BIRC6: variants seen among roughly 807,000 people sequenced by gnomAD.
The protein encoded by BIRC6 is baculoviral IAP repeat containing 6, also known as dual E2 ubiquitin-conjugating enzyme/E3 ubiquitin-protein ligase BIRC6.
In BIRC6, 98 loss-of-function variants were observed where a neutral mutation model predicts 503.3. The ratio of observed to expected loss-of-function variants is 0.19; its 90% CI spans 0.17 to 0.23. BIRC6 has a LOEUF of 0.23. Among genes scored for constraint, BIRC6 ranks in the 10% least tolerant of loss-of-function variants. The pLI is 1.00. For synonymous variants in BIRC6, 2,240 were observed against 2,078.7 expected (o/e 1.08, Z -2.11); for missense variants, 5,360 against 5,806.0 (o/e 0.92, Z 2.50).
chr2:32,453,665 C>G (rs1574321542), intron 22 of BIRC6, 143 bp from the exon 23 acceptor site: 1 of 738,920 alleles, frequency 1.4e-6, no homozygotes, highest in Non-Finnish European at 2.1e-6. Context: ...TTCTTAATAC[C>G]ATGCCCATGA....
chr2:32,491,300 C>T (rs2051676537), intron 43 of BIRC6, 125 bp from the exon 44 acceptor site: 7 of 977,490 alleles, frequency 7.2e-6, no homozygotes, highest in Non-Finnish European at 1.0e-5. Context: ...ACTGAAACCC[C>T]TTTAATAAAC....
At chr2:32,552,211 A>G (rs1028072139) in intron 65 of BIRC6, among the ~76,000 whole-genome samples, 1 of 152,156 alleles carries the variant, frequency 6.6e-6, no homozygotes, top group African/African-American at 2.4e-5. Context: ...TTTTGGCTAC[A>G]GGTATACGTT....
intron 8 of BIRC6, among the ~76,000 whole-genome samples, chr2:32,404,898 G>T (rs999201414): frequency 6.6e-6 from 1 of 152,012 alleles, no homozygotes; most frequent in Non-Finnish European, 1.5e-5. Context: ...CTGGGCTCAA[G>T]CAGTCCTCCC....
intron 22 of BIRC6, 55 bp downstream of exon 22, chr2:32,448,983 T>G: frequency 6.5e-7 from 1 of 1,537,958 alleles, no homozygotes; most frequent in Non-Finnish European, 8.9e-7. Context: ...GGATTTAAGT[T>G]GCCATTTGAC....
Position 32,471,046 on chromosome 2 carries a change from G to C in BIRC6, c.6514G>C (p.Val2172Leu). 1 of 1,580,356 alleles carries C rather than the reference G, an allele frequency of 6.3e-7. No individual in the cohort carries two copies. Among genetic ancestry groups the C allele is most frequent in the Non-Finnish European group, 8.6e-7 (1 of 1,160,942 alleles). ...VLDIPMISWV[V>L]MLVSRLLDYV... ...AGATATTCCCATGATCAGTTGGGTT[G>C]TTATGCTGGTGTCCAGGTTGCTGGA... Residue 2172 changes from valine to leucine, a missense_variant, in exon 32 of 74, where the codon GTT becomes CTT. By Grantham distance (32) the Val-to-Leu change is conservative (BLOSUM62 1). Coordinates refer to ENST00000421745, the MANE Select transcript of BIRC6 (RefSeq NM_016252.4).
chr2:32,519,014 T>C lies in BIRC6; in HGVS notation c.11623+68T>C, dbSNP rs546312877. ...TGATGTATATGGAGGTTTATTGTTT[T>C]TATAACTTTATTTTCTGCATCCACT... On this transcript the variant is annotated intron_variant, in intron 57 of 73. Coordinates refer to ENST00000421745, the MANE Select transcript of BIRC6 (RefSeq NM_016252.4). 39 of 1,448,286 alleles carry C rather than the reference T, an allele frequency of 2.7e-5. No individual in the cohort carries two copies. In the African/African-American group the frequency reaches 4.2e-4, roughly 16 times the overall value. 89.7% of individuals were successfully genotyped at this position (1,448,286 alleles called of 1,614,324 possible).
chr2:32,401,152 T>C lies in BIRC6; in HGVS notation c.1035-11T>C, dbSNP rs141525305. 6.2e-7 allele frequency: 1 copy of C among 1,608,142 alleles called. No individual in the cohort carries two copies. The highest frequency in any genetic ancestry group is 2.2e-5 in the East Asian group (1 of 44,818). ...TTTTAGTAAACTTTTCCTTTCTAAA[T>C]CTATGCAAAGGTCTGAACACGAAAG... On this transcript the variant is annotated splice_polypyrimidine_tract_variant and intron_variant, in intron 6 of 73. Transcript: ENST00000421745.
chr2:32,423,971 A>G (rs1210001424), intron 10 of BIRC6, among the ~76,000 whole-genome samples: 1 of 152,224 alleles, frequency 6.6e-6, no homozygotes, highest in African/African-American at 2.4e-5. Flanking sequence ...ATTTTACTTA[A>G]TAATGGCCCT....
At chr2:32,529,568 A>G (rs1279108206) in intron 59 of BIRC6, 83 bp from the exon 60 acceptor site, 53 of 1,240,326 alleles carry the variant, frequency 4.3e-5, no homozygotes, top group Non-Finnish European at 5.7e-5. Flanking sequence ...TCTTGCCTGT[A>G]ATTTAGTAAA....
At chr2:32,451,657 A>G (rs1348181805) in intron 22 of BIRC6, among the ~76,000 whole-genome samples, 2 of 152,202 alleles carry the variant, frequency 1.3e-5, no homozygotes, top group Admixed American at 1.3e-4. Context: ...TTTCAGGGAG[A>G]TGTGAAGTTC....
chr2:32,593,802 C>A, intron 66 of BIRC6, 113 bp from the exon 67 acceptor site: 1 of 930,106 alleles, frequency 1.1e-6, no homozygotes, highest in Non-Finnish European at 1.6e-6. Context: ...TAATATAGAT[C>A]ATGTGTGTGA....
chr2:32,570,788 C>CA (rs1559076640), intron 65 of BIRC6, among the ~76,000 whole-genome samples: 1 of 152,034 alleles, frequency 6.6e-6, no homozygotes, highest in East Asian at 1.9e-4. Context: ...TGTGAGCCAT[C>CA]ACGCTCGGCC....
intron 42 of BIRC6, 118 bp from the exon 43 acceptor site, chr2:32,489,923 C>T: frequency 3.0e-6 from 2 of 660,804 alleles, no homozygotes; most frequent in South Asian, 2.0e-5. Flanking sequence ...TTTGAAGACA[C>T]TGGTTAAGGA....
At chr2:32,427,584 C>T (rs1001299556) in intron 10 of BIRC6, among the ~76,000 whole-genome samples, 2 of 152,204 alleles carry the variant, frequency 1.3e-5, no homozygotes, top group African/African-American at 2.4e-5. Flanking sequence ...CTGCTCCTGG[C>T]CTTTAATTTT....
At chr2:32,579,386 C>T (rs534537181) in intron 66 of BIRC6, among the ~76,000 whole-genome samples, 41 of 152,074 alleles carry the variant, frequency 2.7e-4, no homozygotes, top group African/African-American at 9.9e-4. Flanking sequence ...AAGCCCAAAA[C>T]CCTTACAAGA....
At chr2:32,612,614 A>AT (rs2062956307) in intron 73 of BIRC6, among the ~76,000 whole-genome samples, 1 of 152,192 alleles carries the variant, frequency 6.6e-6, no homozygotes, top group African/African-American at 2.4e-5. Flanking sequence ...CAGGACATGT[A>AT]CAGAAATATT....
chr2:32,467,609 C>G lies in BIRC6; in HGVS notation c.5441C>G (p.Ser1814Cys), dbSNP rs774959613. ...ATTCCCACTTGTGGAGACTTGGCCT[C>G]TTTGTCAATTGACATTTGGACATTA... Reference protein sequence around the residue: ...VLIPTCGDLASLSIDIWTLGE... With the variant: ...VLIPTCGDLACLSIDIWTLGE... The change falls in exon 27 of 74, where the codon TCT becomes TGT. Residue 1814 changes from serine to cysteine, a missense_variant. Ser to Cys is a moderately radical substitution (Grantham distance 112). Transcript: ENST00000421745. 1 of 1,613,902 alleles carries G rather than the reference C, an allele frequency of 6.2e-7. No homozygotes were observed. The highest frequency in any genetic ancestry group is 2.2e-5 in the East Asian group (1 of 44,856).
chr2:32,406,540 G>A lies in BIRC6; in HGVS notation c.1460G>A (p.Arg487Lys). 6.2e-7 allele frequency: 1 copy of A among 1,610,220 alleles called. No homozygotes were observed. Among genetic ancestry groups the A allele is most frequent in the Non-Finnish European group, 8.5e-7 (1 of 1,177,448 alleles). Residue 487 changes from arginine (R) to lysine (K), a missense_variant, in exon 9 of 74, where the codon AGA becomes AAA. By Grantham distance (26) the Arg-to-Lys change is conservative. Around this residue, in one of 16 missense-constraint regions of BIRC6, gnomAD observed 700 missense variants for 739.3 expected, o/e 0.95. Transcript: ENST00000421745. ...LEDSDSEEHS[R>K]SDSVTGHTSQ... ...GATTCAGACAGTGAAGAGCATTCCA[G>A]ATCAGATTCTGTGACAGGTATGTAA...
intron 25 of BIRC6, 52 bp downstream of exon 25, chr2:32,464,875 A>T: frequency 6.5e-7 from 1 of 1,534,734 alleles, no homozygotes; most frequent in South Asian, 1.3e-5. Flanking sequence ...AATATCTTGA[A>T]ATATACTCTA....
Sources: allele counts gnomAD v4.1 joint callset (sites outside exome capture counted in the v4.1 genomes callset), GRCh38; gene constraint gnomAD v4.1.1; regional missense constraint gnomAD v4.1.1; transcripts MANE v1.5; gene names NCBI Gene and HGNC (gene_info 2026-07-23, HGNC 2026-07-21).